The following ADGRG5 variants were observed in gnomAD, a reference collection of about 807,000 sequenced individuals.
ADGRG5 encodes the protein adhesion G protein-coupled receptor G5.
In ADGRG5, 37 loss-of-function variants were observed where a neutral mutation model predicts 53.2. The ratio of observed to expected loss-of-function variants is 0.70; its 90% CI spans 0.53 to 0.91. ADGRG5 has a LOEUF of 0.91. Among genes scored for constraint, ADGRG5 ranks in the 40% least tolerant of loss-of-function variants. The pLI is 0.00. For missense variants in ADGRG5, 614 were observed against 675.8 expected (o/e 0.91, Z 1.01); for synonymous variants, 277 against 290.4 (o/e 0.95, Z 0.47).
intron 8 of ADGRG5, 63 bp from the exon 9 acceptor site, chr16:57,567,793 C>T: frequency 6.5e-7 from 1 of 1,548,402 alleles, no homozygotes; most frequent in African/African-American, 1.3e-5. Context: ...ACCTATGCAC[C>T]CAGTGGGTAG....
At chr16:57,529,337 A>C in the ADGRG5 span, 1 of 1,032,510 alleles carries the variant, frequency 9.7e-7, no homozygotes, top group Non-Finnish European at 1.2e-6. The surrounding 1 kb of genome is among the most constrained non-coding windows in gnomAD (Gnocchi z 4.1). Context: ...ACGGGAGAAC[A>C]CAACCGTTAT....
At chr16:57,568,902 C>T (rs569949772) in intron 9 of ADGRG5, among the ~76,000 whole-genome samples, 22 of 151,532 alleles carry the variant, frequency 1.5e-4, no homozygotes, top group African/African-American at 2.7e-4. Flanking sequence ...CTATCACCTC[C>T]GTGATCACCT....
intron 9 of ADGRG5, 41 bp downstream of exon 9, chr16:57,568,165 T>C: frequency 6.2e-7 from 1 of 1,604,714 alleles, no homozygotes; most frequent in Non-Finnish European, 8.5e-7. Flanking sequence ...GACTTCCAGG[T>C]GGGCAGGGTA....
At chr16:57,539,247 C>T (rs2032454642), upstream of ADGRG5, among the ~76,000 whole-genome samples, 1 of 152,154 alleles carries the variant, frequency 6.6e-6, no homozygotes, top group South Asian at 2.1e-4. Context: ...CTGTATGATT[C>T]TACTAAGATG....
At chr16:57,536,400 C>G in the ADGRG5 span, 3,092 of 152,426 alleles carry the variant, frequency 0.02, 46 homozygotes, top group Non-Finnish European at 0.025. Context: ...CCAGCACGCC[C>G]CACAACTTAA....
chr16:57,536,124 G>A, the ADGRG5 span, among the ~76,000 whole-genome samples: 1 of 152,144 alleles, frequency 6.6e-6, no homozygotes, highest in Non-Finnish European at 1.5e-5. Flanking sequence ...GCTCTGATTG[G>A]CCAGCGCCGC....
chr16:57,535,344 T>G, the ADGRG5 span, among the ~76,000 whole-genome samples: 1 of 152,032 alleles, frequency 6.6e-6, no homozygotes, highest in Non-Finnish European at 1.5e-5. Flanking sequence ...CATCTTAGAC[T>G]GAGGAGCCAC....
the ADGRG5 span, among the ~76,000 whole-genome samples, chr16:57,535,859 C>A: frequency 6.6e-6 from 1 of 152,184 alleles, no homozygotes; most frequent in African/African-American, 2.4e-5. Flanking sequence ...CCAACCCCCA[C>A]AAGAGCCCTG....
chr16:57,565,409 G>T, intron 6 of ADGRG5: 1 of 473,514 alleles, frequency 2.1e-6, no homozygotes, highest in Non-Finnish European at 3.7e-6. Flanking sequence ...TCCATGAAAT[G>T]TCTAGAGGTG....
At chr16:57,551,013 A>T (rs1297651360) in intron 1 of ADGRG5, among the ~76,000 whole-genome samples, 1 of 152,054 alleles carries the variant, frequency 6.6e-6, no homozygotes, top group Non-Finnish European at 1.5e-5. Context: ...CAGCCTGGGC[A>T]ACAGAGCGAG....
chr16:57,560,418 G>T (rs1774727502), intron 1 of ADGRG5, among the ~76,000 whole-genome samples: 1 of 152,242 alleles, frequency 6.6e-6, no homozygotes, highest in South Asian at 2.1e-4. Context: ...TTGGTGACTG[G>T]TGAAATTTCA....
chr16:57,557,011 G>A (rs1398537914), intron 1 of ADGRG5, among the ~76,000 whole-genome samples: 1 of 148,068 alleles, frequency 6.8e-6, no homozygotes, highest in Non-Finnish European at 1.5e-5. Flanking sequence ...CTGGACTCAA[G>A]TGATCCTCCA....
intron 10 of ADGRG5, among the ~76,000 whole-genome samples, chr16:57,571,656 CTT>C (rs61698586): frequency 1.3e-4 from 18 of 133,988 alleles, no homozygotes; most frequent in Admixed American, 2.4e-4. Context: ...TCTTTTTTTT[CTT>C]TTTTTTTTTT....
At chr16:57,569,958 C>T (rs2033299499) in intron 9 of ADGRG5, among the ~76,000 whole-genome samples, 1 of 151,952 alleles carries the variant, frequency 6.6e-6, no homozygotes, top group African/African-American at 2.4e-5. Flanking sequence ...CCATCATCAC[C>T]TCCTCTACCT....
chr16:57,562,220 G>A, intron 2 of ADGRG5, 63 bp downstream of exon 2: 1 of 1,517,232 alleles, frequency 6.6e-7, no homozygotes, highest in Admixed American at 1.9e-5. Flanking sequence ...GATGCAAAAG[G>A]GGGAGGCGTC....
rs1226375492 is a variant in ADGRG5, at chr16:57,570,530, G to A, written c.1203G>A (p.Met401Ile). The change falls in exon 10 of 12, where the codon ATG becomes ATA. Residue 401 changes from methionine to isoleucine, a missense_variant. Coordinates refer to ENST00000349457, the MANE Select transcript of ADGRG5 (RefSeq NM_001304376.3). Reference sequence around the variant, plus strand: ...AGAATGGCACAGGCTTCCAGAACATGTCCATGTGAGTGCCCTCAGGGCTGC... The same window carrying A: ...AGAATGGCACAGGCTTCCAGAACATATCCATGTGAGTGCCCTCAGGGCTGC... Reference protein sequence around the residue: ...SWENGTGFQNMSICWVRSPVV... With the variant: ...SWENGTGFQNISICWVRSPVV... 11 of 1,609,642 alleles carry A rather than the reference G, an allele frequency of 6.8e-6. No individual in the cohort carries two copies. Among genetic ancestry groups the A allele is most frequent in the African/African-American group, 1.3e-5 (1 of 74,872 alleles).
the ADGRG5 span, among the ~76,000 whole-genome samples, chr16:57,533,349 G>A: frequency 6.6e-6 from 1 of 152,032 alleles, no homozygotes; most frequent in Non-Finnish European, 1.5e-5. Flanking sequence ...AGCACACCAG[G>A]AATCCTGCAC....
chr16:57,574,775 G>A lies in ADGRG5; in HGVS notation c.1209-40G>A. On this transcript the variant is annotated intron_variant, in intron 10 of 11. Transcript: ENST00000349457. The surrounding 1 kb of genome is among the most constrained non-coding windows in gnomAD (Gnocchi z 4.4). ...GTGATGCTGGCCTCCCCGCGGGCCT[G>A]GGAGCCACTGTGAGCCTGACACGTC... is the stretch of plus-strand genomic sequence containing the variant. 1 of 1,529,614 alleles carries A rather than the reference G, an allele frequency of 6.5e-7. No homozygotes were observed. The highest frequency in any genetic ancestry group is 1.4e-5 in the African/African-American group (1 of 73,240). The allele number at this position is 1,529,614 out of a possible 1,614,324, so 94.8% of individuals were successfully genotyped here.
chr16:57,566,458 T>C lies in ADGRG5; in HGVS notation c.547-141T>C. 3 of 673,914 alleles carry C rather than the reference T, an allele frequency of 4.5e-6. No homozygotes were observed. In the South Asian group the frequency reaches 1.0e-4, roughly 23 times the overall value. The allele number at this position is 673,914 out of a possible 1,614,324, so 41.7% of individuals were successfully genotyped here. On this transcript the variant is annotated intron_variant, in intron 6 of 11. Transcript: ENST00000349457. Reference sequence around the variant, plus strand: ...TGGAGGTGGGACAGGAATCTGAGACTGTCTGAAGCCAAAGGCCAGCCAGTG... The same window carrying C: ...TGGAGGTGGGACAGGAATCTGAGACCGTCTGAAGCCAAAGGCCAGCCAGTG...
Sources: gnomAD v4.1 joint callset for allele counts (sites outside exome capture counted in the v4.1 genomes callset) on GRCh38, gnomAD v4.1.1 for gene constraint, Gnocchi (gnomAD v3.1) non-coding constraint, MANE v1.5 for transcripts, NCBI Gene and HGNC (gene_info 2026-07-23, HGNC 2026-07-21) for gene names.